The following NLRP13 variants were observed in gnomAD, a reference collection of about 807,000 sequenced individuals.
NLRP13 encodes NACHT, LRR and PYD domains-containing protein 13.
A neutral mutation model predicts 94.4 loss-of-function variants in NLRP13; 82 were observed. The observed-to-expected ratio is 0.87, with a 90% CI of 0.73 to 1.04. NLRP13 has a LOEUF of 1.04. Ranked by LOEUF, NLRP13 falls within the 50% of genes least tolerant of loss-of-function variation. NLRP13 has a pLI of 0.00. For synonymous variants in NLRP13, 553 were observed against 464.7 expected (o/e 1.19, Z -2.45); for missense variants, 1,426 against 1,230.8 (o/e 1.16, Z -2.37).
chr19:55,907,106 G>A (rs1986376233), intron 7 of NLRP13, among the ~76,000 whole-genome samples: 1 of 152,088 alleles, frequency 6.6e-6, no homozygotes, highest in Admixed American at 6.5e-5. Context: ...TTACAGGCAT[G>A]TGCCACCACA....
intron 10 of NLRP13, among the ~76,000 whole-genome samples, chr19:55,897,948 A>G (rs1223344156): frequency 6.6e-6 from 1 of 152,288 alleles, no homozygotes; most frequent in African/African-American, 2.4e-5. Context: ...CACATTTAGC[A>G]AAAAATCCTA....
chr19:55,906,349 A>AAAAAAAAAAAAAAAAAAAC (rs1986349281), intron 7 of NLRP13, among the ~76,000 whole-genome samples: 1 of 150,836 alleles, frequency 6.6e-6, no homozygotes, highest in Non-Finnish European at 1.5e-5. Context: ...AAAAAAAAAA[A>AAAAAAAAAAAAAAAAAAAC]AAAAAGACAG....
intron 9 of NLRP13, among the ~76,000 whole-genome samples, chr19:55,900,289 G>A (rs1425673394): frequency 1.3e-5 from 2 of 152,090 alleles, no homozygotes; most frequent in Non-Finnish European, 2.9e-5. Flanking sequence ...TTTTAATCTG[G>A]AAGTTTTTAT....
intron 4 of NLRP13, among the ~76,000 whole-genome samples, chr19:55,920,497 A>C (rs1986791950): frequency 6.6e-6 from 1 of 152,144 alleles, no homozygotes; most frequent in Non-Finnish European, 1.5e-5. Flanking sequence ...AAAGGACATA[A>C]GCAGACATTT....
At position 55,896,119 on chromosome 19, in the gene NLRP13, C is replaced by A. The variant is rs199475878; in HGVS notation, c.2958G>T (p.Gly986=). The A allele has an allele frequency of 6.2e-7, 1 of 1,613,808 alleles. No homozygotes were observed. Among genetic ancestry groups the A allele is most frequent in the Non-Finnish European group, 8.5e-7 (1 of 1,179,852 alleles). Residue 986 remains glycine (G), a splice_region_variant and synonymous_variant, in exon 11 of 11, where the codon GGG becomes GGT. Coordinates refer to ENST00000342929, the MANE Select transcript of NLRP13 (RefSeq NM_176810.2). ...LKPHRALHTL[G]LAKCNLTTAC... ...CAGTTGTCAGATTGCATTTCGCCAA[C>A]CTAGGGGCGGGTGGGAAGAAAGCAC...
At chr19:55,905,194 C>G in intron 7 of NLRP13, 82 bp from the exon 8 acceptor site, 3 of 1,420,836 alleles carry the variant, frequency 2.1e-6, no homozygotes, top group Non-Finnish European at 2.9e-6. Context: ...CCTTAACCCC[C>G]GAGACCCAAA....
downstream of NLRP13, among the ~76,000 whole-genome samples, chr19:55,894,824 G>C (rs779758332): frequency 2.0e-5 from 3 of 152,182 alleles, no homozygotes; most frequent in South Asian, 6.2e-4. Flanking sequence ...AATGGCTATG[G>C]AGTGACACGT....
At chr19:55,924,751 A>G (rs965036377) in intron 2 of NLRP13, 93 bp from the exon 3 acceptor site, 3 of 1,108,238 alleles carry the variant, frequency 2.7e-6, no homozygotes, top group Admixed American at 1.8e-5. Flanking sequence ...AACTTTTTCT[A>G]TGGCAAACGG....
chr19:55,929,486 G>A (rs1348152970), intron 1 of NLRP13, among the ~76,000 whole-genome samples: 1 of 152,212 alleles, frequency 6.6e-6, no homozygotes, highest in African/African-American at 2.4e-5. Context: ...GGACATAGAT[G>A]AAGCTGGAAA....
intron 4 of NLRP13, among the ~76,000 whole-genome samples, chr19:55,922,078 G>A (rs1380960066): frequency 6.6e-6 from 1 of 152,126 alleles, no homozygotes; most frequent in Non-Finnish European, 1.5e-5. Flanking sequence ...CTAGTGGGAG[G>A]TGAGGGGGCA....
chr19:55,922,157 C>T (rs1022216301), intron 4 of NLRP13, among the ~76,000 whole-genome samples: 3 of 151,968 alleles, frequency 2.0e-5, no homozygotes, highest in East Asian at 1.9e-4. Flanking sequence ...ATGAGAACAG[C>T]GAGGGAAAGA....
intron 9 of NLRP13, among the ~76,000 whole-genome samples, chr19:55,899,234 G>T (rs1600258259): frequency 6.6e-6 from 1 of 152,094 alleles, no homozygotes. Context: ...CCCAGAGTTG[G>T]CTTGGCTATC....
intron 7 of NLRP13, among the ~76,000 whole-genome samples, chr19:55,906,336 T>C (rs1464655085): frequency 3.1e-4 from 3 of 9,740 alleles, no homozygotes; most frequent in African/African-American, 1.8e-3. Flanking sequence ...AGACTCCATC[T>C]CAAAAAAAAA....
Position 55,911,847 on chromosome 19 carries a change from C to G in NLRP13, c.1970G>C (p.Arg657Pro), listed in dbSNP as rs369571953. ...EEDFTKKMLG[R>P]IFEVDLNILE... ...AATATTAAGGTCAACTTCAAAGATA[C>G]GACCCAACATCTTCTTTGTGAAGTC... Residue 657 changes from arginine to proline, a missense_variant, in exon 5 of 11, where the codon CGT becomes CCT. Coordinates refer to ENST00000342929, the MANE Select transcript of NLRP13 (RefSeq NM_176810.2). 1 of 1,614,010 alleles carries G rather than the reference C, an allele frequency of 6.2e-7. No homozygotes were observed. The highest frequency in any genetic ancestry group is 1.1e-5 in the South Asian group (1 of 91,084).
chr19:55,922,691 G>A (rs1378224104), intron 4 of NLRP13, among the ~76,000 whole-genome samples: 3 of 152,158 alleles, frequency 2.0e-5, no homozygotes, highest in African/African-American at 7.2e-5. Context: ...AACTACTGTA[G>A]CATACAACCT....
intron 6 of NLRP13, among the ~76,000 whole-genome samples, chr19:55,909,552 A>AT (rs1491089592): frequency 2.7e-3 from 406 of 151,720 alleles, no homozygotes; most frequent in African/African-American, 9.1e-3. Flanking sequence ...AAAAAAAAAA[A>AT]AGTCCTAATT....
intron 8 of NLRP13, among the ~76,000 whole-genome samples, chr19:55,902,534 C>A (rs538953761): frequency 6.6e-6 from 1 of 152,236 alleles, no homozygotes; most frequent in South Asian, 2.1e-4. Context: ...TGTCTGTCAG[C>A]AGCTGGGTGA....
At chr19:55,916,405 T>C (rs1272308867) in intron 4 of NLRP13, among the ~76,000 whole-genome samples, 2 of 152,038 alleles carry the variant, frequency 1.3e-5, no homozygotes, top group Non-Finnish European at 2.9e-5. Flanking sequence ...GATAAATAAT[T>C]TAAAATATTG....
chr19:55,900,607 T>TA lies in NLRP13; in HGVS notation c.2789+1427dup, dbSNP rs3073242. ...TAACATGGTGAAACCCCATCTGTAC[T>TA]AAAAAAAAAATACAAAAAATTAGCC... On this transcript the variant is annotated intron_variant, in intron 9 of 10. Transcript: ENST00000342929. 7.0e-3 allele frequency among the ~76,000 whole-genome samples: 1,032 copies of TA among 148,470 alleles called. 24 individuals carry two copies. In the South Asian group the frequency reaches 0.085, roughly 12 times the overall value.
Sources: gnomAD v4.1 joint callset for allele counts (sites outside exome capture counted in the v4.1 genomes callset) on GRCh38, gnomAD v4.1.1 for gene constraint, MANE v1.5 for transcripts, NCBI Gene and HGNC (gene_info 2026-07-23, HGNC 2026-07-21) for gene names.